The following TMEM132C variants were observed in gnomAD, a reference collection of about 807,000 sequenced individuals.
TMEM132C encodes the protein protein phosphatase 1, regulatory subunit 152.
TMEM132C carries 29 observed loss-of-function variants against 61.4 expected under a neutral mutation model. That is an observed-to-expected ratio of 0.47 (90% CI 0.35 to 0.64). TMEM132C has a LOEUF of 0.64. Among genes scored for constraint, TMEM132C ranks in the 30% least tolerant of loss-of-function variants. The probability of loss-of-function intolerance (pLI) is 0.00; values close to 1 mark genes in which losing one functional copy is unlikely to be tolerated. For synonymous variants in TMEM132C, 656 were observed against 633.1 expected (o/e 1.04, Z -0.54); for missense variants, 1,408 against 1,476.9 (o/e 0.95, Z 0.76).
intron 1 of TMEM132C, among the ~76,000 whole-genome samples, chr12:128,292,137 C>G (rs1244656218): frequency 6.6e-6 from 1 of 152,216 alleles, no homozygotes; most frequent in Non-Finnish European, 1.5e-5. Flanking sequence ...CCCTTCTGTT[C>G]CAGTAACTAC....
At chr12:128,592,012 A>T (rs1875768659) in intron 3 of TMEM132C, among the ~76,000 whole-genome samples, 1 of 147,528 alleles carries the variant, frequency 6.8e-6, no homozygotes, top group Admixed American at 7.0e-5. Flanking sequence ...AGATTGTGTC[A>T]CTGCACTCCA....
At chr12:128,368,559 A>T (rs1172780106) in intron 1 of TMEM132C, among the ~76,000 whole-genome samples, 1 of 152,222 alleles carries the variant, frequency 6.6e-6, no homozygotes, top group Non-Finnish European at 1.5e-5. Flanking sequence ...TGCTGTTATT[A>T]CAATGATGAC....
At position 128,267,220 on chromosome 12, in the gene TMEM132C, G is replaced by C. The variant is rs1870332974; in HGVS notation, c.-183G>C. Among the ~76,000 whole-genome samples, 1 of 147,138 alleles carries C rather than the reference G, an allele frequency of 6.8e-6. No homozygotes were observed. The highest frequency in any genetic ancestry group is 1.5e-5 in the Non-Finnish European group (1 of 66,084). ...AGCAGCGGCGGAGCCGGAGCCGCCA[G>C]AGCCAGAGCCGGAGCTGCGGCGGCG... is the stretch of plus-strand genomic sequence containing the variant. On this transcript the variant is annotated 5_prime_UTR_variant, in exon 1 of 9. Transcript: ENST00000435159.
intron 1 of TMEM132C, among the ~76,000 whole-genome samples, chr12:128,274,837 G>A (rs1249599689): frequency 6.6e-6 from 1 of 152,188 alleles, no homozygotes; most frequent in Admixed American, 6.5e-5. Flanking sequence ...GTAGGGGTGG[G>A]TGTGGAGGCA....
chr12:128,305,864 A>G (rs1215725138), intron 1 of TMEM132C, among the ~76,000 whole-genome samples: 1 of 152,184 alleles, frequency 6.6e-6, no homozygotes, highest in Non-Finnish European at 1.5e-5. Flanking sequence ...GCCTGCCTGT[A>G]TAGACGATGC....
At chr12:128,673,470 C>G (rs191038224) in intron 5 of TMEM132C, among the ~76,000 whole-genome samples, 1 of 152,206 alleles carries the variant, frequency 6.6e-6, no homozygotes, top group Non-Finnish European at 1.5e-5. Flanking sequence ...GCAGGCCAAC[C>G]TGACTTAAGA....
rs1188790594 is a variant in TMEM132C at position 128,705,725 on chromosome 12, C to G, written c.2757C>G (p.Gly919=). Residue 919 remains glycine (G), a synonymous_variant, in exon 9 of 9, where the codon GGC becomes GGG. Coordinates refer to ENST00000435159, the MANE Select transcript of TMEM132C (RefSeq NM_001136103.3). ...EENDLVQTPR[G]LSDLEIGMYA... ...ACGACCTGGTGCAGACTCCGCGGGGCCTGAGTGATCTGGAGATAGGGATGT... is the reference window on the plus strand; with the variant it reads ...ACGACCTGGTGCAGACTCCGCGGGGGCTGAGTGATCTGGAGATAGGGATGT... The G allele has an allele frequency of 6.4e-7, 1 of 1,551,434 alleles. No homozygotes were observed. The highest frequency in any genetic ancestry group is 1.2e-5 in the South Asian group (1 of 84,054).
In TMEM132C at chr12:128,623,884, G is replaced by T. The variant is rs73161926; in HGVS notation, c.1305+7549G>T. Among the ~76,000 whole-genome samples the T allele has an allele frequency of 7.4e-3, 1,125 of 152,172 alleles. 5 individuals carry two copies. The highest frequency in any genetic ancestry group is 0.012 in the Non-Finnish European group (838 of 68,008). On this transcript the variant is annotated intron_variant, in intron 4 of 8. Coordinates refer to ENST00000435159, the MANE Select transcript of TMEM132C (RefSeq NM_001136103.3). ...CAGAGAATATTTACATAAGCAATAA[G>T]AAGAAGAAGACGAAAGTGAAAAGAG... is the stretch of plus-strand genomic sequence containing the variant.
At chr12:128,267,534 C>T (rs1264415873) in intron 1 of TMEM132C, 47 bp downstream of exon 1, 2 of 1,219,462 alleles carry the variant, frequency 1.6e-6, no homozygotes, top group African/African-American at 1.6e-5. Flanking sequence ...GCGAACTTCC[C>T]GGTTCCGGGG....
At chr12:128,437,154 G>C (rs1467126070) in intron 2 of TMEM132C, among the ~76,000 whole-genome samples, 1 of 152,152 alleles carries the variant, frequency 6.6e-6, no homozygotes, top group African/African-American at 2.4e-5. Flanking sequence ...CATGTGGTGG[G>C]GGGCTGGGGG....
chr12:128,421,595 A>G (rs1022708265), intron 2 of TMEM132C, among the ~76,000 whole-genome samples: 1 of 152,176 alleles, frequency 6.6e-6, no homozygotes, highest in Non-Finnish European at 1.5e-5. Flanking sequence ...TCATTTTCAC[A>G]AAGGACGCTC....
chr12:128,690,610 C>T (rs1954712701), intron 5 of TMEM132C, among the ~76,000 whole-genome samples: 1 of 152,210 alleles, frequency 6.6e-6, no homozygotes, highest in African/African-American at 2.4e-5. Flanking sequence ...GAAGTGATTA[C>T]TGATATAACT....
chr12:128,368,599 A>G (rs114906644), intron 1 of TMEM132C, among the ~76,000 whole-genome samples: 2,676 of 152,294 alleles, frequency 0.018, 79 homozygotes, highest in African/African-American at 0.059. Context: ...GAGGGTGGGC[A>G]TGAAGGTGTA....
At chr12:128,368,702 A>G (rs1020739228) in intron 1 of TMEM132C, among the ~76,000 whole-genome samples, 1 of 152,220 alleles carries the variant, frequency 6.6e-6, no homozygotes, top group East Asian at 1.9e-4. Context: ...TCCACAAGGT[A>G]TGAAATACAG....
intron 4 of TMEM132C, among the ~76,000 whole-genome samples, chr12:128,665,256 C>T (rs1456981930): frequency 6.7e-6 from 1 of 150,282 alleles, no homozygotes; most frequent in Non-Finnish European, 1.5e-5. Context: ...CATAGGCACT[C>T]GCACATACAC....
intron 3 of TMEM132C, among the ~76,000 whole-genome samples, chr12:128,574,349 CG>C (rs1205380009): frequency 6.6e-6 from 1 of 152,220 alleles, no homozygotes; most frequent in East Asian, 1.9e-4. Flanking sequence ...AGCTACATGC[CG>C]GGTACTGGCT....
intron 2 of TMEM132C, among the ~76,000 whole-genome samples, chr12:128,508,071 C>G (rs900918994): frequency 2.6e-5 from 4 of 151,980 alleles, no homozygotes; most frequent in Admixed American, 1.3e-4. Flanking sequence ...TGTGTTAGTC[C>G]GTTTTCATGC....
intron 2 of TMEM132C, among the ~76,000 whole-genome samples, chr12:128,525,229 C>T (rs761463773): frequency 6.6e-6 from 1 of 152,076 alleles, no homozygotes; most frequent in Non-Finnish European, 1.5e-5. Flanking sequence ...TCTATTCTAG[C>T]TTGGGTGGTT....
intron 1 of TMEM132C, among the ~76,000 whole-genome samples, chr12:128,391,555 C>G (rs992929838): frequency 5.9e-5 from 9 of 152,316 alleles, no homozygotes; most frequent in African/African-American, 1.9e-4. Flanking sequence ...TAGCATTTAA[C>G]GAACACTTTC....
Sources: gnomAD v4.1 joint callset for allele counts (sites outside exome capture counted in the v4.1 genomes callset) on GRCh38, gnomAD v4.1.1 for gene constraint, MANE v1.5 for transcripts, NCBI Gene and HGNC (gene_info 2026-07-23, HGNC 2026-07-21) for gene names.